SIDT1: variants seen among roughly 807,000 people sequenced by gnomAD.
SIDT1 encodes the protein SID1 transmembrane family, member 1.
Under a neutral mutation model 107.5 loss-of-function variants are expected in SIDT1, and 101 were observed. The observed-to-expected ratio is 0.94, with a 90% confidence interval of 0.80 to 1.11. The LOEUF (loss-of-function observed/expected upper bound fraction) is 1.11, where lower values mean the gene tolerates loss of function less well. Ranked by LOEUF, SIDT1 falls within the 50% of genes least tolerant of loss-of-function variation. SIDT1 has a pLI of 0.00. For missense variants in SIDT1, 1,076 were observed against 1,058.2 expected, an observed-to-expected ratio of 1.02 and a Z score of -0.23; for synonymous variants, 395 against 398.2, an observed-to-expected ratio of 0.99 and a Z score of 0.10.
chr3:113,571,082 TG>T (rs1421435861), intron 3 of SIDT1, among the ~76,000 whole-genome samples: 5 of 152,244 alleles, frequency 3.3e-5, no homozygotes, highest in Non-Finnish European at 7.3e-5. Context: ...CAATTGTTTG[TG>T]TTTCTCTAAA....
At chr3:113,605,411 C>T (rs1945258788) in intron 14 of SIDT1, among the ~76,000 whole-genome samples, 1 of 152,152 alleles carries the variant, frequency 6.6e-6, no homozygotes, top group African/African-American at 2.4e-5. Flanking sequence ...CAGGCATGAG[C>T]CACCACACCC....
intron 10 of SIDT1, among the ~76,000 whole-genome samples, 175 bp downstream of exon 10, chr3:113,593,223 T>C (rs1560090674): frequency 1.3e-5 from 2 of 152,286 alleles, no homozygotes; most frequent in South Asian, 4.2e-4. Flanking sequence ...ACCAATTCTA[T>C]AGTTCAAGAG....
At chr3:113,594,926 G>T (rs908748756) in intron 10 of SIDT1, 4 of 154,346 alleles carry the variant, frequency 2.6e-5, no homozygotes, top group African/African-American at 9.6e-5. Flanking sequence ...CCCAGGGCTG[G>T]CAGTGACATG....
downstream of SIDT1, among the ~76,000 whole-genome samples, chr3:113,633,224 A>G (rs918266391): frequency 1.3e-5 from 2 of 152,070 alleles, no homozygotes; most frequent in Non-Finnish European, 2.9e-5. Context: ...ACAGAAATAA[A>G]GTAATTAGGG....
rs187193307 is a variant in SIDT1 at position 113,586,781 on chromosome 3, A to C, written c.1001+1511A>C. On this transcript the variant is annotated intron_variant, in intron 9 of 24. Coordinates refer to ENST00000264852, the MANE Select transcript of SIDT1 (RefSeq NM_017699.3). ...CACAATGTCACTTTTGTAGCATTCC[A>C]GAAATGCATATTTGGAATCTAATCA... Among the ~76,000 whole-genome samples, 815 of 152,360 alleles carry C rather than the reference A, an allele frequency of 5.3e-3. 6 individuals carry two copies. The highest frequency in any genetic ancestry group is 0.019 in the African/African-American group (782 of 41,580).
At chr3:113,546,259 T>G (rs1939573962) in intron 1 of SIDT1, among the ~76,000 whole-genome samples, 1 of 152,238 alleles carries the variant, frequency 6.6e-6, no homozygotes, top group Admixed American at 6.5e-5. Context: ...TGTCAGACTG[T>G]AATTTTTTTA....
At chr3:113,533,909 A>G (rs1937777058) in intron 1 of SIDT1, among the ~76,000 whole-genome samples, 1 of 152,222 alleles carries the variant, frequency 6.6e-6, no homozygotes, top group Non-Finnish European at 1.5e-5. Flanking sequence ...AAAGTTCTAG[A>G]CCTATTTTTG....
At chr3:113,585,579 A>G (rs757114948) in intron 9 of SIDT1, among the ~76,000 whole-genome samples, 1 of 152,230 alleles carries the variant, frequency 6.6e-6, no homozygotes, top group Non-Finnish European at 1.5e-5. Flanking sequence ...AAAAGGCAAC[A>G]TGTATATTTT....
At chr3:113,576,780 A>C (rs1468091623) in intron 3 of SIDT1, 142 bp from the exon 4 acceptor site, 1 of 813,250 alleles carries the variant, frequency 1.2e-6, no homozygotes, top group Non-Finnish European at 2.1e-6. Context: ...AGTTTCACGG[A>C]ACCGGAACTC....
chr3:113,535,251 G>C (rs764857357), intron 1 of SIDT1, among the ~76,000 whole-genome samples: 2 of 151,998 alleles, frequency 1.3e-5, no homozygotes, highest in Non-Finnish European at 2.9e-5. Flanking sequence ...TCCCACTGGG[G>C]ACAGAGTGAT....
intron 3 of SIDT1, among the ~76,000 whole-genome samples, chr3:113,571,554 G>A (rs1942458945): frequency 6.7e-6 from 1 of 150,044 alleles, no homozygotes; most frequent in South Asian, 2.1e-4. Context: ...GTGCCCAGGT[G>A]TTTAGTATTG....
chr3:113,600,127 TG>T, intron 10 of SIDT1, among the ~76,000 whole-genome samples: 1 of 152,050 alleles, frequency 6.6e-6, no homozygotes, highest in Non-Finnish European at 1.5e-5. Flanking sequence ...CTGGCCAACA[TG>T]GTGAAACCCT....
chr3:113,586,810 G>T (rs989213978), intron 9 of SIDT1, among the ~76,000 whole-genome samples: 1 of 152,098 alleles, frequency 6.6e-6, no homozygotes, highest in African/African-American at 2.4e-5. Flanking sequence ...CTAATCATGT[G>T]GAAAAATTAG....
At chr3:113,622,343 A>G (rs1946515019) in intron 21 of SIDT1, among the ~76,000 whole-genome samples, 1 of 151,746 alleles carries the variant, frequency 6.6e-6, no homozygotes, top group African/African-American at 2.4e-5. Flanking sequence ...ATGCGTCTGT[A>G]ATCCCAGCTA....
intron 1 of SIDT1, among the ~76,000 whole-genome samples, chr3:113,543,699 A>G (rs1418340490): frequency 3.3e-5 from 5 of 152,160 alleles, no homozygotes; most frequent in Non-Finnish European, 7.4e-5. Flanking sequence ...TTCTCTATTT[A>G]TTGCTTCTTT....
intron 1 of SIDT1, among the ~76,000 whole-genome samples, chr3:113,560,717 A>C (rs1941352354): frequency 6.6e-6 from 1 of 152,228 alleles, no homozygotes; most frequent in Admixed American, 6.5e-5. Flanking sequence ...TCTGATTCTT[A>C]ATCTAATATT....
At chr3:113,581,700 C>G (rs1943359415) in intron 6 of SIDT1, 3 of 406,024 alleles carry the variant, frequency 7.4e-6, no homozygotes. Flanking sequence ...TGGCAAAACC[C>G]TGTCTCCACT....
At chr3:113,623,192 T>TAAAAAA (rs61454117) in intron 21 of SIDT1, among the ~76,000 whole-genome samples, 4 of 53,852 alleles carry the variant, frequency 7.4e-5, no homozygotes, top group African/African-American at 2.4e-4. Context: ...CCCCAACTCT[T>TAAAAAA]AAAAAAAAAA....
intron 4 of SIDT1, among the ~76,000 whole-genome samples, chr3:113,579,620 T>C (rs372086319): frequency 9.2e-5 from 14 of 152,308 alleles, no homozygotes; most frequent in Middle Eastern, 3.4e-3. Context: ...CTTTGGATTA[T>C]TAAAAAGGAT....
Sources: gnomAD v4.1 joint callset for allele counts (sites outside exome capture counted in the v4.1 genomes callset) on GRCh38, gnomAD v4.1.1 for gene constraint, MANE v1.5 for transcripts, NCBI Gene and HGNC (gene_info 2026-07-23, HGNC 2026-07-21) for gene names.